HEXB: variants seen among roughly 807,000 people sequenced by gnomAD.
The protein encoded by HEXB is beta-hexosaminidase subunit beta.
Under a neutral mutation model 71.2 loss-of-function variants are expected in HEXB, and 51 were observed. That is an observed-to-expected ratio of 0.72 (90% confidence interval 0.57 to 0.90). The LOEUF (loss-of-function observed/expected upper bound fraction) is 0.90, where lower values mean the gene tolerates loss of function less well. HEXB is among the 40% of genes least tolerant of loss of function. The pLI, the probability that HEXB is intolerant of heterozygous loss-of-function variation, is 0.00. For synonymous variants in HEXB, 266 were observed against 249.3 expected, an observed-to-expected ratio of 1.07 and a Z score of -0.63; for missense variants, 617 against 677.0, an observed-to-expected ratio of 0.91 and a Z score of 0.98.
intron 1 of HEXB, among the ~76,000 whole-genome samples, chr5:74,642,218 C>T (rs1747910907): frequency 6.6e-6 from 1 of 152,158 alleles, no homozygotes; most frequent in Admixed American, 6.5e-5. Flanking sequence ...CTCTGAAGTC[C>T]TTTGTTAGCA....
intron 1 of HEXB, among the ~76,000 whole-genome samples, chr5:74,688,362 C>T (rs1748920100): frequency 7.0e-6 from 1 of 142,224 alleles, no homozygotes; most frequent in African/African-American, 2.6e-5. Flanking sequence ...GATGGAGTCT[C>T]GTTCTGTCAC....
At chr5:74,678,208 G>A (rs1326687252) in intron 1 of HEXB, among the ~76,000 whole-genome samples, 1 of 152,114 alleles carries the variant, frequency 6.6e-6, no homozygotes, top group Non-Finnish European at 1.5e-5. Context: ...TGAGGCAGGA[G>A]AATCACTTGA....
chr5:74,660,965 A>G (rs1041429865), intron 1 of HEXB, among the ~76,000 whole-genome samples: 1 of 152,196 alleles, frequency 6.6e-6, no homozygotes, highest in Non-Finnish European at 1.5e-5. Flanking sequence ...GCATAACAGC[A>G]TCTCACTTGT....
Position 74,705,293 on chromosome 5 carries a change from C to A in HEXB, c.744C>A (p.Ser248Arg). Reference protein sequence around the residue: ...IVDDQSFPYQSITFPELSNKG... With the variant: ...IVDDQSFPYQRITFPELSNKG... ...ATGACCAGTCTTTCCCATATCAGAG[C>A]ATCACTTTTCCTGAGTTAAGCAATA... The change falls in exon 6 of 14, where the codon AGC (serine) becomes AGA (arginine). Residue 248 changes from serine (S) to arginine (R), a missense_variant. Coordinates refer to ENST00000261416, the MANE Select transcript of HEXB (RefSeq NM_000521.4). The A allele has an allele frequency of 6.2e-7, 1 of 1,604,248 alleles. No individual in the cohort carries two copies. The highest frequency in any genetic ancestry group is 8.5e-7 in the Non-Finnish European group (1 of 1,171,174).
At chr5:74,682,044 C>T (rs866590422), upstream of HEXB, among the ~76,000 whole-genome samples, 9 of 152,198 alleles carry the variant, frequency 5.9e-5, no homozygotes, top group Admixed American at 1.3e-4. Context: ...TTGCCAACAG[C>T]CATGCAAGTT....
rs191773423 is a variant in HEXB at position 74,701,747 on chromosome 5, A to G, written c.670-3472A>G. On this transcript the variant is annotated intron_variant, in intron 5 of 13. Coordinates refer to ENST00000261416, the MANE Select transcript of HEXB (RefSeq NM_000521.4). ...TTTTATTGTATTTATTAAATATTAA[A>G]TTTATTTAAGCTATATATTTGCTTT... Among the ~76,000 whole-genome samples, 12 of 152,174 alleles carry G rather than the reference A, an allele frequency of 7.9e-5. No homozygotes were observed. In the East Asian group the frequency reaches 2.3e-3, roughly 29 times the overall value.
rs191018197 is a variant in HEXB at position 74,717,086 on chromosome 5, C to T, written c.1169+413C>T. 8.3e-4 allele frequency among the ~76,000 whole-genome samples: 127 copies of T among 152,238 alleles called. 4 individuals are homozygous for T. The East Asian group carries it at 0.024, about 28-fold the overall frequency. ...GTGCCTGTAGTCCCAGCTACTCGGG[C>T]GGCTGAGGGAGAATCTCCTGGGAGA... On this transcript the variant is annotated intron_variant, in intron 9 of 13. Coordinates refer to ENST00000261416, the MANE Select transcript of HEXB (RefSeq NM_000521.4).
intron 1 of HEXB, among the ~76,000 whole-genome samples, chr5:74,643,752 G>A (rs1461039734): frequency 1.3e-5 from 2 of 152,004 alleles, no homozygotes; most frequent in Admixed American, 6.6e-5. Context: ...TAATTAACAC[G>A]GTGCGATCAT....
At chr5:74,680,653 C>T (rs1316465808), upstream of HEXB, among the ~76,000 whole-genome samples, 5 of 152,294 alleles carry the variant, frequency 3.3e-5, no homozygotes, top group African/African-American at 1.2e-4. Flanking sequence ...GAAGCTAATT[C>T]CCCTCCCCTT....
At chr5:74,710,613 C>T (rs1353653293) in intron 6 of HEXB, among the ~76,000 whole-genome samples, 1 of 152,092 alleles carries the variant, frequency 6.6e-6, no homozygotes. Flanking sequence ...AATCAATGTG[C>T]AAAAATCACA....
intron 1 of HEXB, among the ~76,000 whole-genome samples, chr5:74,675,583 CT>C (rs1748616077): frequency 6.6e-6 from 1 of 152,160 alleles, no homozygotes. Context: ...GTCACTGCCC[CT>C]GGAGCACACA....
chr5:74,705,637 A>G (rs545284343), intron 6 of HEXB: 30 of 305,548 alleles, frequency 9.8e-5, no homozygotes, highest in Non-Finnish European at 1.7e-4. Context: ...AAGTTGTCCA[A>G]CAGTGTATTT....
At chr5:74,706,791 G>A (rs6870965) in intron 6 of HEXB, among the ~76,000 whole-genome samples, 3,522 of 151,712 alleles carry the variant, frequency 0.023, 128 homozygotes, top group African/African-American at 0.079. Flanking sequence ...CAGAGCAGCC[G>A]GGAAGCTCCA....
chr5:74,680,909 A>T (rs1026096539), upstream of HEXB, among the ~76,000 whole-genome samples: 5 of 152,250 alleles, frequency 3.3e-5, no homozygotes, highest in Non-Finnish European at 7.3e-5. Context: ...ACCAGATACC[A>T]TACAAATGAA....
chr5:74,719,027 G>GA, intron 11 of HEXB, 56 bp downstream of exon 11: 1 of 1,535,592 alleles, frequency 6.5e-7, no homozygotes, highest in Non-Finnish European at 9.0e-7. Context: ...GATGGTAAGT[G>GA]AAGCAACCAT....
At chr5:74,682,230 C>T (rs1230884769), upstream of HEXB, among the ~76,000 whole-genome samples, 1 of 152,174 alleles carries the variant, frequency 6.6e-6, no homozygotes, top group Non-Finnish European at 1.5e-5. Flanking sequence ...TGGTGGCGGG[C>T]GCCTGTAGTC....
At chr5:74,693,385 T>A in intron 2 of HEXB, 1 of 537,402 alleles carries the variant, frequency 1.9e-6, no homozygotes, top group Non-Finnish European at 3.4e-6. Context: ...TGTGACTCAC[T>A]GAAATGAGGA....
chr5:74,703,837 G>A (rs1386759510), intron 5 of HEXB, among the ~76,000 whole-genome samples: 1 of 152,106 alleles, frequency 6.6e-6, no homozygotes, highest in Non-Finnish European at 1.5e-5. Flanking sequence ...ACGATGCCCA[G>A]CTAATTTCTT....
At chr5:74,655,402 T>C (rs1484224165) in intron 1 of HEXB, among the ~76,000 whole-genome samples, 2 of 149,484 alleles carry the variant, frequency 1.3e-5, no homozygotes, top group Admixed American at 6.8e-5. Context: ...AACCTCCATA[T>C]ACCAGATTCA....
Sources: gnomAD v4.1 joint callset for allele counts (sites outside exome capture counted in the v4.1 genomes callset) on GRCh38, gnomAD v4.1.1 for gene constraint, MANE v1.5 for transcripts, NCBI Gene and HGNC (gene_info 2026-07-23, HGNC 2026-07-21) for gene names.